Variants in HIPK2 observed in about 807,000 individuals in gnomAD.
HIPK2 encodes the protein homeodomain interacting protein kinase 2.
HIPK2 carries 27 observed loss-of-function variants against 113.7 expected under a neutral mutation model. That is an observed-to-expected ratio of 0.24 (90% CI 0.17 to 0.33). HIPK2 has a LOEUF of 0.33. Among genes scored for constraint, HIPK2 ranks in the 10% least tolerant of loss-of-function variants. The pLI is 1.00. For missense variants in HIPK2, 1,257 were observed against 1,588.0 expected (o/e 0.79, Z 3.54); for synonymous variants, 631 against 642.2 (o/e 0.98, Z 0.26).
At chr7:139,755,586 T>C (rs1796349310) in intron 1 of HIPK2, among the ~76,000 whole-genome samples, 1 of 152,228 alleles carries the variant, frequency 6.6e-6, no homozygotes, top group Non-Finnish European at 1.5e-5. Context: ...CTTCCTTTTT[T>C]CTCCCTCAAT....
rs573713742 is a variant in HIPK2 at position 139,601,021 on chromosome 7, C to T, written c.2256-425G>A. Among the ~76,000 whole-genome samples, 12 of 152,240 alleles carry T rather than the reference C, an allele frequency of 7.9e-5. No homozygotes were observed. The South Asian group carries it at 2.5e-3, about 32-fold the overall frequency. On this transcript the variant is annotated intron_variant, in intron 10 of 14. Coordinates refer to ENST00000406875, the MANE Select transcript of HIPK2 (RefSeq NM_022740.5). ...ACTCTGGGAGACCGAGGAGGGCAGA[C>T]GGCTTGAGCTCAAGAGTTTGAGACC...
At position 139,631,012 on chromosome 7, in the gene HIPK2, G is replaced by A. The variant is rs527362045; in HGVS notation, c.1347+153C>T. 3.4e-6 allele frequency: 2 copies of A among 591,464 alleles called. No individual in the cohort carries two copies. Among genetic ancestry groups the A allele is most frequent in the African/African-American group, 2.0e-5 (1 of 49,658 alleles). 36.6% of individuals were successfully genotyped at this position (591,464 alleles called of 1,614,324 possible). ...TAGGCCAAGGGAAAGAGGGGCTTCT[G>A]AGCATTCAGATTCAGCCATACCATG... On this transcript the variant is annotated intron_variant, in intron 4 of 14. Coordinates refer to ENST00000406875, the MANE Select transcript of HIPK2 (RefSeq NM_022740.5). The surrounding 1 kb of genome is among the most constrained non-coding windows in gnomAD (Gnocchi z 4.9).
chr7:139,738,258 A>G (rs971695604), intron 1 of HIPK2, among the ~76,000 whole-genome samples: 10 of 152,246 alleles, frequency 6.6e-5, no homozygotes, highest in African/African-American at 2.2e-4. Context: ...TCTTCAGTTG[A>G]TCTCTGTACC....
Position 139,748,600 on chromosome 7 carries a change from G to A in HIPK2, c.19+29005C>T, listed in dbSNP as rs1796229246. ...TTCGTGCTCATGAGCCATGGTCCCT[G>A]TGGGCGTGTCTGTGTCTGAATTTCC... On this transcript the variant is annotated intron_variant, in intron 1 of 14. Coordinates refer to ENST00000406875, the MANE Select transcript of HIPK2 (RefSeq NM_022740.5). 2.6e-5 allele frequency among the ~76,000 whole-genome samples: 4 copies of A among 152,016 alleles called. No homozygotes were observed. In the South Asian group the frequency reaches 6.3e-4, roughly 24 times the overall value.
At chr7:139,579,039 A>G (rs1798582095) in intron 13 of HIPK2, among the ~76,000 whole-genome samples, 1 of 152,174 alleles carries the variant, frequency 6.6e-6, no homozygotes, top group South Asian at 2.1e-4. Flanking sequence ...GCCTGGTGAC[A>G]CTGAAAAGCG....
rs770772109 is a variant in HIPK2, at chr7:139,614,509, G to A, written c.1783-16C>T. 3 of 1,338,648 alleles carry A rather than the reference G, an allele frequency of 2.2e-6. No homozygotes were observed. Among genetic ancestry groups the A allele is most frequent in the East Asian group, 5.5e-5 (2 of 36,074 alleles). The allele number at this position is 1,338,648 out of a possible 1,614,324, so 82.9% of individuals were successfully genotyped here. The stretch of plus-strand genomic sequence containing the variant: ...AGGAGGGAGCCTAAAGGAGTGATGG[G>A]GATTAAACAAAAATAAACAAAAATA... On this transcript the variant is annotated splice_polypyrimidine_tract_variant and intron_variant, in intron 7 of 14. Transcript: ENST00000406875.
chr7:139,663,534 G>A (rs750385706), intron 2 of HIPK2, among the ~76,000 whole-genome samples: 25 of 152,132 alleles, frequency 1.6e-4, no homozygotes, highest in Non-Finnish European at 2.6e-4. Flanking sequence ...GTATTTTACT[G>A]GTATTCTATG....
intron 1 of HIPK2, among the ~76,000 whole-genome samples, chr7:139,770,931 T>G (rs1405289440): frequency 6.6e-6 from 1 of 152,264 alleles, no homozygotes; most frequent in Non-Finnish European, 1.5e-5. Flanking sequence ...AAAGGTTTTC[T>G]GCCTTTTCTT....
intron 1 of HIPK2, among the ~76,000 whole-genome samples, chr7:139,767,786 T>G (rs1796576947): frequency 6.6e-6 from 1 of 152,250 alleles, no homozygotes. Flanking sequence ...CATTTCAAGT[T>G]GCCTTTGTTG....
At chr7:139,687,720 C>T (rs1271532423) in intron 2 of HIPK2, among the ~76,000 whole-genome samples, 2 of 152,170 alleles carry the variant, frequency 1.3e-5, no homozygotes, top group African/African-American at 2.4e-5. Flanking sequence ...TACTAGTCTC[C>T]TGGATTCCTA....
chr7:139,670,236 G>T (rs1324881178), intron 2 of HIPK2, among the ~76,000 whole-genome samples: 1 of 152,076 alleles, frequency 6.6e-6, no homozygotes, highest in East Asian at 1.9e-4. Flanking sequence ...GAGTCCCCCT[G>T]ATCTGCATTC....
intron 1 of HIPK2, among the ~76,000 whole-genome samples, chr7:139,725,804 G>A (rs925010118): frequency 6.6e-6 from 1 of 152,204 alleles, no homozygotes; most frequent in African/African-American, 2.4e-5. Context: ...TGAGTAAATG[G>A]AGCTATAATT....
At chr7:139,689,814 T>C (rs1162132129) in intron 2 of HIPK2, among the ~76,000 whole-genome samples, 1 of 151,790 alleles carries the variant, frequency 6.6e-6, no homozygotes, top group Non-Finnish European at 1.5e-5. Context: ...AACTCCAAAA[T>C]GAGAAAAAGA....
chr7:139,706,233 C>G (rs1358684436), intron 2 of HIPK2, among the ~76,000 whole-genome samples: 1 of 152,208 alleles, frequency 6.6e-6, no homozygotes, highest in Non-Finnish European at 1.5e-5. Flanking sequence ...AAACTTCACA[C>G]AGGTGGAAAG....
At chr7:139,729,994 C>G (rs1795721866) in intron 1 of HIPK2, among the ~76,000 whole-genome samples, 1 of 152,178 alleles carries the variant, frequency 6.6e-6, no homozygotes, top group Admixed American at 6.5e-5. Flanking sequence ...TAAACCAGAC[C>G]TGCAGCAGAT....
intron 13 of HIPK2, among the ~76,000 whole-genome samples, chr7:139,580,169 C>T (rs572712721): frequency 6.6e-6 from 1 of 152,308 alleles, no homozygotes; most frequent in East Asian, 1.9e-4. Context: ...GGGTCACAGA[C>T]TGTGCTGGGC....
chr7:139,726,156 T>G (rs1203413721), intron 1 of HIPK2, among the ~76,000 whole-genome samples: 2 of 152,214 alleles, frequency 1.3e-5, no homozygotes, highest in African/African-American at 4.8e-5. Context: ...TACATTTACC[T>G]ATTTAAAGAG....
rs569858653 is a variant in HIPK2, at chr7:139,637,004, C to T, written c.1104-5279G>A. On this transcript the variant is annotated intron_variant, in intron 2 of 14. Coordinates refer to ENST00000406875, the MANE Select transcript of HIPK2 (RefSeq NM_022740.5). Reference sequence around the variant, plus strand: ...TCCTCCTCATTTTATGAAAGGGAACCACCACCCTCCAGCTGCTTAGGCAGA... The same window carrying T: ...TCCTCCTCATTTTATGAAAGGGAACTACCACCCTCCAGCTGCTTAGGCAGA... Among the ~76,000 whole-genome samples the T allele has an allele frequency of 4.6e-5, 7 of 152,290 alleles. No individual in the cohort carries two copies. In the South Asian group the frequency reaches 1.5e-3, roughly 32 times the overall value.
In HIPK2 at chr7:139,761,020, A is replaced by C. The variant is rs1452643716; in HGVS notation, c.19+16585T>G. On this transcript the variant is annotated intron_variant, in intron 1 of 14. Coordinates refer to ENST00000406875, the MANE Select transcript of HIPK2 (RefSeq NM_022740.5). ...ATGATTAGAACACACCAGATCAATAAAAATCCATGAATGTATAATGTTAGA... is the reference window on the plus strand; with the variant it reads ...ATGATTAGAACACACCAGATCAATACAAATCCATGAATGTATAATGTTAGA... Among the ~76,000 whole-genome samples the C allele has an allele frequency of 2.0e-5, 3 of 152,244 alleles. No individual in the cohort carries two copies. The East Asian group carries it at 5.8e-4, about 29-fold the overall frequency.
Sources: allele counts gnomAD v4.1 joint callset (sites outside exome capture counted in the v4.1 genomes callset), GRCh38; gene constraint gnomAD v4.1.1; non-coding constraint Gnocchi (gnomAD v3.1); transcripts MANE v1.5; gene names NCBI Gene and HGNC (gene_info 2026-07-23, HGNC 2026-07-21).